The following KATNAL1 variants were observed in gnomAD, a reference collection of about 807,000 sequenced individuals.
KATNAL1 encodes the protein katanin catalytic subunit A1 like 1, also known as katanin p60 ATPase-containing subunit A-like 1.
Under a neutral mutation model 55.2 loss-of-function variants are expected in KATNAL1, and 32 were observed. The observed-to-expected ratio is 0.58, with a 90% CI of 0.44 to 0.78. The LOEUF (loss-of-function observed/expected upper bound fraction) is 0.78. KATNAL1 is among the 30% of genes least tolerant of loss of function. KATNAL1 has a pLI of 0.00. For missense variants in KATNAL1, 466 were observed against 600.9 expected (o/e 0.78, Z 2.35); for synonymous variants, 193 against 193.6 (o/e 1.00, Z 0.02).
At chr13:30,247,255 C>T (rs1347551416) in intron 4 of KATNAL1, among the ~76,000 whole-genome samples, 1 of 152,160 alleles carries the variant, frequency 6.6e-6, no homozygotes, top group African/African-American at 2.4e-5. Context: ...GACAAGGTTT[C>T]TAAATTGCAT....
chr13:30,208,940 T>G (rs1873403847), intron 10 of KATNAL1, among the ~76,000 whole-genome samples: 1 of 152,202 alleles, frequency 6.6e-6, no homozygotes, highest in Admixed American at 6.5e-5. Flanking sequence ...ATGAAATGTA[T>G]AGTTAACGAA....
intron 6 of KATNAL1, among the ~76,000 whole-genome samples, chr13:30,237,055 T>A (rs777118252): frequency 2.0e-5 from 3 of 152,198 alleles, no homozygotes; most frequent in African/African-American, 4.8e-5. Flanking sequence ...CATTACTCTA[T>A]CAGACACTAG....
At chr13:30,292,764 T>G (rs9508697) in intron 1 of KATNAL1, among the ~76,000 whole-genome samples, 84,133 of 151,846 alleles carry the variant, frequency 0.55, 24,514 homozygotes, top group African/African-American at 0.74. Context: ...GAAAAAATTT[T>G]TGCAACTGTG....
At chr13:30,278,804 G>C (rs1191883573) in intron 3 of KATNAL1, among the ~76,000 whole-genome samples, 1 of 152,078 alleles carries the variant, frequency 6.6e-6, no homozygotes, top group Non-Finnish European at 1.5e-5. Context: ...ATTTATTTTG[G>C]AACTTCCATG....
At chr13:30,301,230 C>T (rs1048585795) in intron 1 of KATNAL1, among the ~76,000 whole-genome samples, 4 of 152,074 alleles carry the variant, frequency 2.6e-5, no homozygotes, top group Admixed American at 6.5e-5. Flanking sequence ...ATTAGCGGGG[C>T]GTGGTAGCGA....
chr13:30,240,417 CA>C, intron 6 of KATNAL1, 42 bp downstream of exon 6: 1 of 1,315,026 alleles, frequency 7.6e-7, no homozygotes. Flanking sequence ...ATTCCAGTGC[CA>C]AGTAGCATTC....
intron 9 of KATNAL1, among the ~76,000 whole-genome samples, chr13:30,224,814 C>A (rs891438254): frequency 3.3e-5 from 5 of 151,900 alleles, no homozygotes; most frequent in African/African-American, 1.2e-4. Flanking sequence ...ATCCTATGGC[C>A]AATAAAAGGA....
intron 3 of KATNAL1, among the ~76,000 whole-genome samples, chr13:30,258,650 C>A (rs1878985370): frequency 6.6e-6 from 1 of 152,096 alleles, no homozygotes; most frequent in Admixed American, 6.5e-5. Context: ...ATGATGATAT[C>A]CCTCCCATGT....
At chr13:30,273,273 T>C (rs78015542) in intron 3 of KATNAL1, among the ~76,000 whole-genome samples, 12 of 152,200 alleles carry the variant, frequency 7.9e-5, no homozygotes, top group African/African-American at 2.9e-4. Flanking sequence ...ATACTTATCA[T>C]CTTCTGCTCC....
In KATNAL1 at chr13:30,283,672, T is replaced by C. The variant is rs199785736; in HGVS notation, c.106A>G (p.Ile36Val). Residue 36 changes from isoleucine to valine, a missense_variant, in exon 2 of 11, where the codon ATT (isoleucine) becomes GTT (valine). By Grantham distance (29) the Ile-to-Val change is conservative. Coordinates refer to ENST00000380615, the MANE Select transcript of KATNAL1 (RefSeq NM_032116.5). ...CTGACTGACTGGCAATGTCTCTGAA[T>C]CTGCTGCATCACCCCCTGGTAATAT... ...MVYYQGVMQQIQRHCQSVRDP... is the reference protein window; with the variant it reads ...MVYYQGVMQQVQRHCQSVRDP... The C allele has an allele frequency of 6.2e-7, 1 of 1,614,070 alleles. No homozygotes were observed. The highest frequency in any genetic ancestry group is 8.5e-7 in the Non-Finnish European group (1 of 1,179,978).
intron 10 of KATNAL1, among the ~76,000 whole-genome samples, chr13:30,209,005 C>T (rs1405851502): frequency 2.6e-5 from 4 of 152,200 alleles, no homozygotes. Context: ...TCTCCACTTG[C>T]TCCTCAAAGA....
chr13:30,285,956 T>C (rs1209789806), intron 1 of KATNAL1, among the ~76,000 whole-genome samples: 2 of 152,348 alleles, frequency 1.3e-5, no homozygotes, highest in East Asian at 1.9e-4. Flanking sequence ...TTATGGTATC[T>C]GGCAGAATAA....
intron 3 of KATNAL1, among the ~76,000 whole-genome samples, chr13:30,262,249 G>A (rs966816360): frequency 3.3e-5 from 5 of 151,688 alleles, no homozygotes; most frequent in Non-Finnish European, 7.4e-5. Flanking sequence ...AGCACTAAAT[G>A]CCCACAAGAG....
At chr13:30,291,865 G>A (rs999738474) in intron 1 of KATNAL1, among the ~76,000 whole-genome samples, 19 of 151,820 alleles carry the variant, frequency 1.3e-4, no homozygotes, top group African/African-American at 3.9e-4. Flanking sequence ...AAGAAACCTC[G>A]TCTCTACTAA....
At chr13:30,251,093 G>A (rs371929914) in intron 4 of KATNAL1, among the ~76,000 whole-genome samples, 1 of 144,502 alleles carries the variant, frequency 6.9e-6, no homozygotes, top group Admixed American at 7.3e-5. Flanking sequence ...AGCCGAGATC[G>A]CGCCACTGCA....
rs138542295 is a variant in KATNAL1, at chr13:30,283,730, A to G, written c.48T>C (p.Tyr16=). 8.2e-5 allele frequency: 132 copies of G among 1,613,700 alleles called. No individual in the cohort carries two copies. Among genetic ancestry groups the G allele is most frequent in the Non-Finnish European group, 1.1e-4 (132 of 1,179,816 alleles). The stretch of plus-strand genomic sequence containing the variant: ...ATGAGTCGTAATTTCCAAGAAGGGC[A>G]TATTCTCTTCCTTTCTTTGCATTAT... The part of the protein sequence containing the change: ...ICDNAKKGRE[Y]ALLGNYDSSM... The change falls in exon 2 of 11, where the codon TAT becomes TAC. Residue 16 remains tyrosine (Y), a synonymous_variant. Coordinates refer to ENST00000380615, the MANE Select transcript of KATNAL1 (RefSeq NM_032116.5).
At chr13:30,298,421 G>A (rs188297315) in intron 1 of KATNAL1, among the ~76,000 whole-genome samples, 23 of 152,010 alleles carry the variant, frequency 1.5e-4, no homozygotes, top group Admixed American at 7.2e-4. Context: ...TCTCCATAGC[G>A]CACTTCACAG....
chr13:30,272,623 T>C (rs1880470141), intron 3 of KATNAL1, among the ~76,000 whole-genome samples: 1 of 152,148 alleles, frequency 6.6e-6, no homozygotes, highest in African/African-American at 2.4e-5. Flanking sequence ...ATTTCTGTCT[T>C]TCAGTTGCCT....
At chr13:30,240,820 G>A in intron 5 of KATNAL1, 139 bp downstream of exon 5, 1 of 844,302 alleles carries the variant, frequency 1.2e-6, no homozygotes. Flanking sequence ...CGACAGAACT[G>A]TCTCGTCAAT....
Sources: gnomAD v4.1 joint callset for allele counts (sites outside exome capture counted in the v4.1 genomes callset) on GRCh38, gnomAD v4.1.1 for gene constraint, MANE v1.5 for transcripts, NCBI Gene and HGNC (gene_info 2026-07-23, HGNC 2026-07-21) for gene names.